Variants in ARHGEF4 observed in about 807,000 individuals in gnomAD.
ARHGEF4 encodes Rho guanine nucleotide exchange factor 4, also known as APC-stimulated guanine nucleotide exchange factor 1.
In ARHGEF4, 119 loss-of-function variants were observed where a neutral mutation model predicts 162.0. That is an observed-to-expected ratio of 0.73 (90% confidence interval 0.63 to 0.86). The LOEUF is 0.86. ARHGEF4 is among the 40% of genes least tolerant of loss of function. ARHGEF4 has a pLI of 0.00. For missense variants in ARHGEF4, 2,488 were observed against 2,456.0 expected, an observed-to-expected ratio of 1.01 and a Z score of -0.28; for synonymous variants, 1,014 against 979.9, an observed-to-expected ratio of 1.03 and a Z score of -0.65.
intron 4 of ARHGEF4, among the ~76,000 whole-genome samples, chr2:131,012,754 T>C (rs1281024343): frequency 1.3e-5 from 2 of 152,200 alleles, no homozygotes; most frequent in Non-Finnish European, 2.9e-5. Flanking sequence ...CCAGTTTTTG[T>C]ATTTTTAGTA....
intron 4 of ARHGEF4, among the ~76,000 whole-genome samples, chr2:130,964,664 A>C (rs1684886909): frequency 6.6e-6 from 1 of 152,136 alleles, no homozygotes; most frequent in Non-Finnish European, 1.5e-5. Context: ...AGCCAGGAGG[A>C]TGGAAGGGGG....
chr2:130,952,852 T>C (rs1684038292), intron 4 of ARHGEF4, among the ~76,000 whole-genome samples: 2 of 152,124 alleles, frequency 1.3e-5, no homozygotes, highest in South Asian at 2.1e-4. Context: ...TTACAAGGGA[T>C]GTGAAGGACC....
chr2:130,854,906 C>G (rs1311378089), intron 1 of ARHGEF4, among the ~76,000 whole-genome samples: 2 of 150,512 alleles, frequency 1.3e-5, no homozygotes, highest in African/African-American at 4.9e-5. Context: ...CAGAGTCTCA[C>G]TCTGTCGCCG....
chr2:130,903,210 G>C (rs1350552666), intron 1 of ARHGEF4, among the ~76,000 whole-genome samples: 4 of 147,890 alleles, frequency 2.7e-5, no homozygotes, highest in Non-Finnish European at 6.0e-5. Flanking sequence ...CATCTCTGCT[G>C]GTTTTGTTTT....
At chr2:131,014,944 G>A (rs960345847) in intron 4 of ARHGEF4, among the ~76,000 whole-genome samples, 3 of 152,096 alleles carry the variant, frequency 2.0e-5, no homozygotes, top group African/African-American at 4.8e-5. Context: ...GAGAGACGGG[G>A]AGCAGTTTTC....
At position 130,840,420 on chromosome 2, in the gene ARHGEF4, G is replaced by T. The variant is rs138155672; in HGVS notation, c.39+3428G>T. ...CACAAGCCTACCTGGCAGGTTAAGG[G>T]GGGATGCAGCAGCGTCTTCTGCCTT... On this transcript the variant is annotated intron_variant, in intron 1 of 13. Coordinates refer to ENST00000409359, the MANE Select transcript of ARHGEF4 (RefSeq NM_001367493.1). 7.5e-4 allele frequency among the ~76,000 whole-genome samples: 114 copies of T among 152,328 alleles called. 3 individuals carry two copies. The East Asian group carries it at 0.019, about 25-fold the overall frequency.
chr2:130,966,857 T>G (rs972840448), intron 4 of ARHGEF4, among the ~76,000 whole-genome samples: 49 of 152,326 alleles, frequency 3.2e-4, no homozygotes, highest in African/African-American at 1.1e-3. Context: ...TCAGGGGTAT[T>G]GATCTGGGGG....
intron 5 of ARHGEF4, among the ~76,000 whole-genome samples, chr2:131,037,532 G>A (rs950193151): frequency 5.9e-5 from 9 of 152,006 alleles, no homozygotes; most frequent in East Asian, 1.9e-4. Context: ...ATCCTTGACC[G>A]CCCCCACAGC....
intron 4 of ARHGEF4, among the ~76,000 whole-genome samples, chr2:131,022,167 G>A (rs576014629): frequency 6.6e-6 from 1 of 152,270 alleles, no homozygotes; most frequent in South Asian, 2.1e-4. Context: ...GTTATAGAAT[G>A]AGTTGGGAAG....
At chr2:131,045,809 C>T in intron 13 of ARHGEF4, 2 of 1,428,972 alleles carry the variant, frequency 1.4e-6, no homozygotes, top group Non-Finnish European at 9.1e-7. Context: ...TTTGCACAGG[C>T]CACCCCCCTC....
chr2:130,899,083 C>T (rs1186590987), intron 1 of ARHGEF4, among the ~76,000 whole-genome samples: 9 of 152,208 alleles, frequency 5.9e-5, no homozygotes, highest in African/African-American at 9.6e-5. Context: ...CTGGCTTCTG[C>T]CACATCTCAC....
intron 4 of ARHGEF4, among the ~76,000 whole-genome samples, chr2:130,964,683 C>G (rs1684889369): frequency 6.6e-6 from 1 of 152,216 alleles, no homozygotes; most frequent in Admixed American, 6.5e-5. Context: ...GGCCGCTGGC[C>G]GAGGGTGGAA....
At chr2:130,951,487 G>A (rs1683954272) in intron 4 of ARHGEF4, among the ~76,000 whole-genome samples, 1 of 152,170 alleles carries the variant, frequency 6.6e-6, no homozygotes, top group Non-Finnish European at 1.5e-5. Context: ...AGGAATGGAT[G>A]GTCGGTGGAG....
chr2:130,963,243 T>C lies in ARHGEF4; in HGVS notation c.3985+16608T>C, dbSNP rs2105194848. 2.0e-5 allele frequency among the ~76,000 whole-genome samples: 3 copies of C among 152,282 alleles called. 1 individual carries two copies. The South Asian group carries it at 6.2e-4, about 32-fold the overall frequency. On this transcript the variant is annotated intron_variant, in intron 4 of 13. Transcript: ENST00000409359. The stretch of plus-strand genomic sequence containing the variant: ...CCCTTAATCACCACAGGGTGTGTCC[T>C]GCCCGGGCTGTCAGGAGGGTCGCAG...
At chr2:130,847,793 TG>T (rs988640174) in intron 1 of ARHGEF4, among the ~76,000 whole-genome samples, 4 of 152,216 alleles carry the variant, frequency 2.6e-5, no homozygotes, top group Non-Finnish European at 4.4e-5. Context: ...GGCCTCCACC[TG>T]GGGGTGAGTC....
intron 4 of ARHGEF4, among the ~76,000 whole-genome samples, chr2:130,978,863 A>G (rs1240787715): frequency 1.3e-5 from 2 of 152,228 alleles, no homozygotes; most frequent in African/African-American, 2.4e-5. Flanking sequence ...AGTTCAGTCC[A>G]TGCAGTCACC....
In ARHGEF4 at chr2:131,041,314, A is replaced by G; in HGVS notation, c.4747A>G (p.Lys1583Glu). 6.2e-7 allele frequency: 1 copy of G among 1,613,852 alleles called. No individual in the cohort carries two copies. The highest frequency in any genetic ancestry group is 1.7e-5 in the Admixed American group (1 of 60,024). Reference sequence around the variant, plus strand: ...GCTCTCCCGGCTCACCAAGCTCAGCAAGTACGTGTACTTCTTCGAGGCCTG... The same window carrying G: ...GCTCTCCCGGCTCACCAAGCTCAGCGAGTACGTGTACTTCTTCGAGGCCTG... The part of the protein sequence containing the change: ...VELSRLTKLS[K>E]YVYFFEACRL... The change falls in exon 9 of 14, where the codon AAG becomes GAG. Residue 1583 changes from lysine to glutamate, a missense_variant. By Grantham distance (56) the Lys-to-Glu change is moderately conservative. This residue lies in a region of ARHGEF4 where 415 missense variants were observed against 512.4 expected (regional missense o/e 0.81). Transcript: ENST00000409359.
intron 5 of ARHGEF4, among the ~76,000 whole-genome samples, chr2:131,033,651 C>T (rs1403553916): frequency 1.3e-5 from 2 of 152,140 alleles, no homozygotes; most frequent in Non-Finnish European, 2.9e-5. Context: ...TTTGGGGGTA[C>T]CAGCGAGACT....
chr2:130,988,872 G>GTGTATA (rs1161821092), intron 4 of ARHGEF4, among the ~76,000 whole-genome samples: 2 of 108,498 alleles, frequency 1.8e-5, no homozygotes, highest in African/African-American at 3.7e-5. Context: ...GTGTGTGTGT[G>GTGTATA]TATATATATA....
Sources: gnomAD v4.1 joint callset for allele counts (sites outside exome capture counted in the v4.1 genomes callset) on GRCh38, gnomAD v4.1.1 for gene constraint, gnomAD v4.1.1 regional missense constraint, MANE v1.5 for transcripts, NCBI Gene and HGNC (gene_info 2026-07-23, HGNC 2026-07-21) for gene names.